Variants in CFLAR observed in about 807,000 individuals in gnomAD.
CFLAR encodes the protein CASP8 and FADD-like apoptosis regulator.
CFLAR carries 14 observed loss-of-function variants against 51.1 expected under a neutral mutation model. That is an observed-to-expected ratio of 0.27 (90% CI 0.18 to 0.43). The LOEUF is 0.43. Ranked by LOEUF, CFLAR falls within the 20% of genes least tolerant of loss-of-function variation. The pLI is 1.00. For missense variants in CFLAR, 390 were observed against 566.5 expected, an observed-to-expected ratio of 0.69 and a Z score of 3.16; for synonymous variants, 210 against 211.6, an observed-to-expected ratio of 0.99 and a Z score of 0.06.
rs960657129 is a variant in CFLAR at position 201,167,121 on chromosome 2, A to G, written c.*3148A>G. 6.6e-6 allele frequency: 1 copy of G among 151,956 alleles called. No homozygotes were observed. The highest frequency in any genetic ancestry group is 1.5e-5 in the Non-Finnish European group (1 of 67,988). 9.4% of individuals were successfully genotyped at this position (151,956 alleles called of 1,614,324 possible). ...TTAACTGATGTGTATCTGTATGTCT[A>G]TTTGTGTATATTTTGTCATGATCAT... is the stretch of plus-strand genomic sequence containing the variant. On this transcript the variant is annotated 3_prime_UTR_variant, in exon 10 of 10. Coordinates refer to ENST00000309955, the MANE Select transcript of CFLAR (RefSeq NM_003879.7).
chr2:201,125,398 G>T (rs941633873), intron 1 of CFLAR, among the ~76,000 whole-genome samples: 2 of 152,118 alleles, frequency 1.3e-5, no homozygotes, highest in Non-Finnish European at 2.9e-5. Flanking sequence ...AGGCTTTTTT[G>T]AGGGTTTGGC....
At chr2:201,141,636 T>G in intron 5 of CFLAR, 1 of 1,296,568 alleles carries the variant, frequency 7.7e-7, no homozygotes, top group Non-Finnish European at 9.8e-7. Flanking sequence ...TTTTAATGAT[T>G]TCAGCAAAAG....
intron 8 of CFLAR, among the ~76,000 whole-genome samples, chr2:201,155,628 T>A (rs533529975): frequency 6.6e-6 from 1 of 152,020 alleles, no homozygotes; most frequent in Admixed American, 6.6e-5. Context: ...TTCTGTACTT[T>A]CCTTTTCTTT....
intron 5 of CFLAR, among the ~76,000 whole-genome samples, chr2:201,144,732 C>T (rs115189782): frequency 1.0e-3 from 152 of 152,296 alleles, no homozygotes; most frequent in African/African-American, 3.6e-3. Context: ...TCTCATGTTC[C>T]AACAGCTTAT....
At chr2:201,132,430 A>AAT (rs35648857) in intron 2 of CFLAR, among the ~76,000 whole-genome samples, 7,339 of 137,750 alleles carry the variant, frequency 0.053, 207 homozygotes, top group Middle Eastern at 0.1. Flanking sequence ...GGGGGGGAAA[A>AAT]ATATATATAT....
In CFLAR at chr2:201,169,515, CTATT is replaced by C. The variant is rs1553568153; in HGVS notation, c.*5545_*5548del. The C allele has an allele frequency of 2.0e-5, 3 of 152,260 alleles. No homozygotes were observed. The highest frequency in any genetic ancestry group is 2.1e-4 in the South Asian group (1 of 4,824). 9.4% of individuals were successfully genotyped at this position (152,260 alleles called of 1,614,324 possible). A position where few individuals can be genotyped will look rare whatever the true frequency, so the allele number is the denominator to read the frequency against. ...AACTATAAAAACCCTAGAAGAAAAT[CTATT>C]TAATACCATTCAAGACATAGGCACA... On this transcript the variant is annotated 3_prime_UTR_variant, in exon 10 of 10. Coordinates refer to ENST00000309955, the MANE Select transcript of CFLAR (RefSeq NM_003879.7).
At chr2:201,161,615 A>AT (rs995099731) in intron 9 of CFLAR, among the ~76,000 whole-genome samples, 1 of 151,492 alleles carries the variant, frequency 6.6e-6, no homozygotes, top group African/African-American at 2.4e-5. Context: ...GGGTTTCACC[A>AT]TGTTGACCAG....
At chr2:201,149,289 A>G in intron 7 of CFLAR, 1 of 422,436 alleles carries the variant, frequency 2.4e-6, no homozygotes, top group South Asian at 2.9e-5. Context: ...CCTCATCTCA[A>G]CTCAGTGACT....
In CFLAR at chr2:201,164,554, C is replaced by CT. The variant is rs1054661473; in HGVS notation, c.*584dup. Reference sequence around the variant, plus strand: ...GGCCAGAAGACTACACCAGTCTAGTCTTTCCATGTTTTGCCTGCTTTTATT... The same window carrying CT: ...GGCCAGAAGACTACACCAGTCTAGTCTTTTCCATGTTTTGCCTGCTTTTATT... On this transcript the variant is annotated 3_prime_UTR_variant, in exon 10 of 10. Transcript: ENST00000309955. 1 of 152,212 alleles carries CT rather than the reference C, an allele frequency of 6.6e-6. No homozygotes were observed. Among genetic ancestry groups the CT allele is most frequent in the African/African-American group, 2.4e-5 (1 of 41,450 alleles). The allele number at this position is 152,212 out of a possible 1,614,324, so 9.4% of individuals were successfully genotyped here.
Position 201,174,565 on chromosome 2 carries a change from T to C in CFLAR, c.*10592T>C, listed in dbSNP as rs1944139527. ...GTTGTTGTTCTTCTTTTTTCTTTTG[T>C]AGAGATGAGGCCTTGCTATGTTGCC... On this transcript the variant is annotated 3_prime_UTR_variant, in exon 10 of 10. Coordinates refer to ENST00000309955, the MANE Select transcript of CFLAR (RefSeq NM_003879.7). 1 of 152,192 alleles carries C rather than the reference T, an allele frequency of 6.6e-6. No homozygotes were observed. Among genetic ancestry groups the C allele is most frequent in the Admixed American group, 6.6e-5 (1 of 15,264 alleles). The allele number at this position is 152,192 out of a possible 1,614,324, so 9.4% of individuals were successfully genotyped here.
At chr2:201,153,065 G>A (rs970025105) in intron 8 of CFLAR, 5 of 152,244 alleles carry the variant, frequency 3.3e-5, no homozygotes, top group African/African-American at 1.2e-4. Flanking sequence ...TACATTGCTG[G>A]ACAAGAGTAG....
At chr2:201,131,434 C>G (rs1188890483) in intron 2 of CFLAR, among the ~76,000 whole-genome samples, 2 of 152,106 alleles carry the variant, frequency 1.3e-5, no homozygotes, top group African/African-American at 4.8e-5. Flanking sequence ...CAGGGTTTTG[C>G]CATGTTGGCC....
intron 1 of CFLAR, among the ~76,000 whole-genome samples, chr2:201,119,939 A>T (rs1238445484): frequency 1.3e-5 from 2 of 151,138 alleles, no homozygotes; most frequent in South Asian, 4.2e-4. Context: ...TCTAGTTTGC[A>T]AGATATTTCA....
intron 5 of CFLAR, chr2:201,141,756 A>G (rs1938947173): frequency 2.0e-6 from 1 of 494,570 alleles, no homozygotes; most frequent in Admixed American, 5.8e-5. Flanking sequence ...AGTACAAGGT[A>G]TCGGAATTGT....
intron 5 of CFLAR, 134 bp from the exon 6 acceptor site, chr2:201,145,244 A>AT: frequency 1.8e-6 from 1 of 562,876 alleles, no homozygotes. Context: ...TCTTTAGATA[A>AT]TTTAACTGTT....
rs1240112702 is a variant in CFLAR at position 201,168,325 on chromosome 2, G to A, written c.*4352G>A. 1 of 152,180 alleles carries A rather than the reference G, an allele frequency of 6.6e-6. No individual in the cohort carries two copies. Among genetic ancestry groups the A allele is most frequent in the East Asian group, 1.9e-4 (1 of 5,190 alleles). The allele number at this position is 152,180 out of a possible 1,614,324, so 9.4% of individuals were successfully genotyped here. A position where few individuals can be genotyped will look rare whatever the true frequency, so the allele number is the denominator to read the frequency against. ...GGGATGCAAGGCTGGTTCAACATAC[G>A]CAAATCAAGAAACATAATTCATCAC... On this transcript the variant is annotated 3_prime_UTR_variant, in exon 10 of 10. Transcript: ENST00000309955.
chr2:201,160,551 T>A lies in CFLAR; in HGVS notation c.913T>A (p.Tyr305Asn). 1 of 1,613,858 alleles carries A rather than the reference T, an allele frequency of 6.2e-7. No individual in the cohort carries two copies. The highest frequency in any genetic ancestry group is 8.5e-7 in the Non-Finnish European group (1 of 1,179,954). ...TGCCTGTATGCCCGAGCACCGAGAC[T>A]ACGACAGCTTTGTGTGTGTCCTGGT... Reference protein sequence around the residue: ...QFACMPEHRDYDSFVCVLVSR... With the variant: ...QFACMPEHRDNDSFVCVLVSR... The change falls in exon 9 of 10, where the codon TAC (tyrosine) becomes AAC (asparagine). Residue 305 changes from tyrosine (Y) to asparagine (N), a missense_variant. Transcript: ENST00000309955.
intron 8 of CFLAR, chr2:201,154,481 T>C (rs905582579): frequency 4.6e-5 from 7 of 152,250 alleles, no homozygotes; most frequent in Non-Finnish European, 7.3e-5. Context: ...AAAGCTGGAC[T>C]CCAAAACCTA....
At position 201,133,072 on chromosome 2, in the gene CFLAR, G is replaced by A. The variant is rs61759466; in HGVS notation, c.325G>A (p.Val109Met). The part of the protein sequence containing the change: ...EIGEDLDKSD[V>M]SSLIFLMKDY... Reference sequence around the variant, plus strand: ...TGGTGAGGATTTGGATAAATCTGATGTGTCCTCATTAATTTTCCTCATGAA... The same window carrying A: ...TGGTGAGGATTTGGATAAATCTGATATGTCCTCATTAATTTTCCTCATGAA... Residue 109 changes from valine (V) to methionine (M), a missense_variant, in exon 3 of 10, where the codon GTG becomes ATG. Val to Met is a conservative substitution (Grantham distance 21). Transcript: ENST00000309955. 3.1e-6 allele frequency: 5 copies of A among 1,610,736 alleles called. No homozygotes were observed. Among genetic ancestry groups the A allele is most frequent in the Non-Finnish European group, 4.2e-6 (5 of 1,177,020 alleles).
Sources: gnomAD v4.1 joint callset for allele counts (sites outside exome capture counted in the v4.1 genomes callset) on GRCh38, gnomAD v4.1.1 for gene constraint, MANE v1.5 for transcripts, NCBI Gene and HGNC (gene_info 2026-07-23, HGNC 2026-07-21) for gene names.